TBC1D9B: variants seen among roughly 807,000 people sequenced by gnomAD.
The protein encoded by TBC1D9B is TBC1 domain family member 9B, also known as TBC1 domain family, member 9B (with GRAM domain).
TBC1D9B carries 87 observed loss-of-function variants against 121.1 expected under a neutral mutation model. The ratio of observed to expected loss-of-function variants is 0.72; its 90% CI spans 0.60 to 0.86. The LOEUF (loss-of-function observed/expected upper bound fraction) is 0.86. Among genes scored for constraint, TBC1D9B ranks in the 40% least tolerant of loss-of-function variants. The pLI is 0.00. For synonymous variants in TBC1D9B, 668 were observed against 670.1 expected (o/e 1.00, Z 0.05); for missense variants, 1,540 against 1,628.6 (o/e 0.95, Z 0.94).
chr5:179,867,598 G>A (rs1226105537), intron 18 of TBC1D9B, 180 bp downstream of exon 18: 1 of 1,501,260 alleles, frequency 6.7e-7, no homozygotes, highest in Admixed American at 2.0e-5. Context: ...CATCCACAGG[G>A]GGCGGCCCCA....
In TBC1D9B at chr5:179,863,979, C is replaced by T; in HGVS notation, c.3171G>A (p.Arg1057=). 2 of 1,613,834 alleles carry T rather than the reference C, an allele frequency of 1.2e-6. No homozygotes were observed. The highest frequency in any genetic ancestry group is 1.7e-6 in the Non-Finnish European group (2 of 1,180,030). ...CCTCAGTGGCACAGTCCCTGGGCTTCCTGCCTGTGCGGGCTGAGAACTTCT... is the reference window on the plus strand; with the variant it reads ...CCTCAGTGGCACAGTCCCTGGGCTTTCTGCCTGTGCGGGCTGAGAACTTCT... The part of the protein sequence containing the change: ...VGKKFSARTG[R]KPRDCATEED... The change falls in exon 21 of 21, where the codon AGG becomes AGA. Residue 1057 remains arginine, a synonymous_variant. Transcript: ENST00000355235. This position sits in a 1 kb window ranked among gnomAD's most constrained non-coding sequence, Gnocchi z 4.5.
chr5:179,907,367 T>C lies in TBC1D9B; in HGVS notation c.118+337A>G, dbSNP rs1005252501. 2.0e-5 allele frequency among the ~76,000 whole-genome samples: 3 copies of C among 151,976 alleles called. No homozygotes were observed. Among genetic ancestry groups the C allele is most frequent in the Non-Finnish European group, 4.4e-5 (3 of 67,976 alleles). ...GGGCGGTCTCGCCAACTTTCGGCGGTGAGATCCCGGGAAGCTGCACGGCCC... is the reference window on the plus strand; with the variant it reads ...GGGCGGTCTCGCCAACTTTCGGCGGCGAGATCCCGGGAAGCTGCACGGCCC... On this transcript the variant is annotated intron_variant, in intron 1 of 20. Coordinates refer to ENST00000355235, the MANE Select transcript of TBC1D9B (RefSeq NM_015043.4). The surrounding 1 kb of genome is among the most constrained non-coding windows in gnomAD (Gnocchi z 5.3).
chr5:179,898,979 C>CA (rs1234325899), intron 3 of TBC1D9B, among the ~76,000 whole-genome samples: 1 of 152,226 alleles, frequency 6.6e-6, no homozygotes, highest in Non-Finnish European at 1.5e-5. Flanking sequence ...GCTTCAGCAG[C>CA]CTCCAGTGCC....
intron 3 of TBC1D9B, among the ~76,000 whole-genome samples, chr5:179,895,848 C>T (rs1397473362): frequency 6.6e-6 from 1 of 152,188 alleles, no homozygotes; most frequent in Admixed American, 6.5e-5. Flanking sequence ...AAGGAAACTA[C>T]AATATGCCAT....
At chr5:179,867,513 G>A (rs753155833) in intron 18 of TBC1D9B, 13 of 1,558,316 alleles carry the variant, frequency 8.3e-6, no homozygotes, top group Non-Finnish European at 1.1e-5. Context: ...GGACAGCAGA[G>A]GAGAGGCAGA....
rs1353150460 is a variant in TBC1D9B at position 179,878,500 on chromosome 5, G to A, written c.1591C>T (p.His531Tyr). 1.9e-6 allele frequency: 3 copies of A among 1,608,090 alleles called. No homozygotes were observed. Among genetic ancestry groups the A allele is most frequent in the South Asian group, 1.1e-5 (1 of 89,828 alleles). Residue 531 changes from histidine (H) to tyrosine (Y), a missense_variant, in exon 10 of 21, where the codon CAC (histidine) becomes TAC (tyrosine). By Grantham distance (83) the His-to-Tyr change is moderately conservative. Coordinates refer to ENST00000355235, the MANE Select transcript of TBC1D9B (RefSeq NM_015043.4). Reference protein sequence around the residue: ...FSGAWNEMVTHPGYYAELVEK... With the variant: ...FSGAWNEMVTYPGYYAELVEK... ...ACCAGCTCAGCATAGTACCCGGGGT[G>A]AGTCACCATCTCATTCCAGGCCCCT...
chr5:179,904,467 A>C lies in TBC1D9B; in HGVS notation c.229+235T>G, dbSNP rs894488813. 1.3e-5 allele frequency among the ~76,000 whole-genome samples: 2 copies of C among 151,978 alleles called. No individual in the cohort carries two copies. Among genetic ancestry groups the C allele is most frequent in the East Asian group, 1.9e-4 (1 of 5,174 alleles). On this transcript the variant is annotated intron_variant, in intron 2 of 20. Coordinates refer to ENST00000355235, the MANE Select transcript of TBC1D9B (RefSeq NM_015043.4). This position sits in a 1 kb window ranked among gnomAD's most constrained non-coding sequence, Gnocchi z 4.2. ...GTCTCGATCTCCTGACCTCGTGATC[A>C]GCCCGCCTCGGCCTCCCAAAGTGCT...
chr5:179,907,771 C>T lies in TBC1D9B; in HGVS notation c.51G>A (p.Thr17=), dbSNP rs1434487385. The T allele has an allele frequency of 3.3e-6, 4 of 1,228,132 alleles. No homozygotes were observed. The highest frequency in any genetic ancestry group is 1.6e-5 in the African/African-American group (1 of 61,590). The allele number at this position is 1,228,132 out of a possible 1,614,324, so 76.1% of individuals were successfully genotyped here. Residue 17 remains threonine, a synonymous_variant, in exon 1 of 21, where the codon ACG becomes ACA. Transcript: ENST00000355235. The surrounding 1 kb of genome is among the most constrained non-coding windows in gnomAD (Gnocchi z 5.3). ...EVLVANALWV[T]ERANPFFVLQ... ...GCACGAAGAAGGGGTTGGCCCGCTC[C>T]GTCACCCACAGCGCATTGGCCACCA...
At chr5:179,901,210 C>T (rs1351413888) in intron 2 of TBC1D9B, among the ~76,000 whole-genome samples, 2 of 152,182 alleles carry the variant, frequency 1.3e-5, no homozygotes, top group East Asian at 1.9e-4. Context: ...CTGGAAGCCC[C>T]TTAAGTCATC....
Position 179,870,475 on chromosome 5 carries a change from C to A in TBC1D9B, c.2505G>T (p.Gln835His), listed in dbSNP as rs546634706. 5.6e-6 allele frequency: 9 copies of A among 1,610,880 alleles called. 1 individual carries two copies. The South Asian group carries it at 7.7e-5, about 14-fold the overall frequency. The part of the protein sequence containing the change: ...MVFKAKHLAS[Q>H]YWGCSRTMAG... ...CCATTGTGCGGCTGCACCCCCAGTA[C>A]TGGCTAGCCAGGTGCTTGGCCTGTG... The change falls in exon 16 of 21, where the codon CAG (glutamine) becomes CAT (histidine). Residue 835 changes from glutamine to histidine, a missense_variant. By Grantham distance (24) the Gln-to-His change is conservative. Coordinates refer to ENST00000355235, the MANE Select transcript of TBC1D9B (RefSeq NM_015043.4).
chr5:179,898,276 C>T (rs554376601), intron 3 of TBC1D9B, among the ~76,000 whole-genome samples: 6 of 152,010 alleles, frequency 3.9e-5, no homozygotes, highest in Admixed American at 2.0e-4. Flanking sequence ...CTCAGCCTCC[C>T]GATTAGCTGG....
intron 18 of TBC1D9B, 120 bp downstream of exon 18, chr5:179,867,658 C>G (rs753156460): frequency 2.6e-6 from 4 of 1,520,478 alleles, no homozygotes; most frequent in Non-Finnish European, 3.6e-6. Flanking sequence ...GGGGAGAACC[C>G]CATGCGGCCT....
intron 7 of TBC1D9B, among the ~76,000 whole-genome samples, chr5:179,884,814 GT>G (rs1202108167): frequency 6.6e-6 from 1 of 152,190 alleles, no homozygotes; most frequent in East Asian, 1.9e-4. Context: ...TTCAATTCAA[GT>G]CAAAAAGGTA....
At chr5:179,882,701 T>C (rs2113625050) in intron 7 of TBC1D9B, among the ~76,000 whole-genome samples, 1 of 152,166 alleles carries the variant, frequency 6.6e-6, no homozygotes, top group East Asian at 1.9e-4. Flanking sequence ...AATACAAAAA[T>C]TAGCCAGGCA....
chr5:179,871,591 G>T, intron 14 of TBC1D9B, 61 bp from the exon 15 acceptor site: 1 of 1,554,472 alleles, frequency 6.4e-7, no homozygotes. Context: ...CAGAAGTACG[G>T]CACTCTGTGA....
chr5:179,863,561 C>A lies in TBC1D9B; in HGVS notation c.3589G>T (p.Val1197Leu), dbSNP rs768862623. The A allele has an allele frequency of 4.3e-6, 7 of 1,614,206 alleles. No individual in the cohort carries two copies. The highest frequency in any genetic ancestry group is 4.2e-6 in the Non-Finnish European group (5 of 1,180,048). The change falls in exon 21 of 21, where the codon GTG (valine) becomes TTG (leucine). Residue 1197 changes from valine (V) to leucine (L), a missense_variant. By Grantham distance (32) the Val-to-Leu change is conservative. Coordinates refer to ENST00000355235, the MANE Select transcript of TBC1D9B (RefSeq NM_015043.4). This position sits in a 1 kb window ranked among gnomAD's most constrained non-coding sequence, Gnocchi z 4.5. ...TCCACTCTCTTCTCAAAGAAGTTCA[C>A]CAGCACGGACTCCGTCAGGATGGAG... ...LASILTESVL[V>L]NFFEKRVDIG...
chr5:179,867,855 C>T lies in TBC1D9B; in HGVS notation c.2792-6G>A. Reference sequence around the variant, plus strand: ...GGCTTCCTCTGGGCTCAGAGCTGTGCTTGGAGAGAAGGCAGAGTGAGGGCA... The same window carrying T: ...GGCTTCCTCTGGGCTCAGAGCTGTGTTTGGAGAGAAGGCAGAGTGAGGGCA... On this transcript the variant is annotated splice_region_variant and splice_polypyrimidine_tract_variant and intron_variant, in intron 17 of 20. Coordinates refer to ENST00000355235, the MANE Select transcript of TBC1D9B (RefSeq NM_015043.4). The T allele has an allele frequency of 6.6e-7, 1 of 1,512,156 alleles. No individual in the cohort carries two copies. Among genetic ancestry groups the T allele is most frequent in the South Asian group, 1.3e-5 (1 of 75,020 alleles). 93.7% of individuals were successfully genotyped at this position (1,512,156 alleles called of 1,614,324 possible). A position where few individuals can be genotyped will look rare whatever the true frequency, so the allele number is the denominator to read the frequency against.
rs139698359 is a variant in TBC1D9B at position 179,904,503 on chromosome 5, A to G, written c.229+199T>C. ...GCCTCCCAAAGTGCTGGGATTACAG[A>G]CGTGAGCCACCGCACCGGGCCACGG... On this transcript the variant is annotated intron_variant, in intron 2 of 20. Transcript: ENST00000355235. The surrounding 1 kb of genome is among the most constrained non-coding windows in gnomAD (Gnocchi z 4.2). Among the ~76,000 whole-genome samples, 2,291 of 151,824 alleles carry G rather than the reference A, an allele frequency of 0.015. 55 individuals are homozygous for G. Among genetic ancestry groups the G allele is most frequent in the African/African-American group, 0.05 (2,076 of 41,376 alleles).
intron 10 of TBC1D9B, 143 bp downstream of exon 10, chr5:179,878,166 G>C: frequency 1.1e-6 from 1 of 885,086 alleles, no homozygotes; most frequent in Non-Finnish European, 1.7e-6. Flanking sequence ...AATTAATACT[G>C]TTTTTAAATT....
Sources: gnomAD v4.1 joint callset for allele counts (sites outside exome capture counted in the v4.1 genomes callset) on GRCh38, gnomAD v4.1.1 for gene constraint, Gnocchi (gnomAD v3.1) non-coding constraint, MANE v1.5 for transcripts, NCBI Gene and HGNC (gene_info 2026-07-23, HGNC 2026-07-21) for gene names.